The following PTPRD variants were observed in gnomAD, a reference collection of about 807,000 sequenced individuals.
PTPRD encodes the protein receptor-type tyrosine-protein phosphatase delta.
PTPRD carries 34 observed loss-of-function variants against 214.5 expected under a neutral mutation model. The observed-to-expected ratio is 0.16, with a 90% confidence interval of 0.12 to 0.21. PTPRD has a LOEUF of 0.21. Ranked by LOEUF, PTPRD falls within the 10% of genes least tolerant of loss-of-function variation. The pLI is 1.00. For synonymous variants in PTPRD, 1,128 were observed against 845.7 expected (o/e 1.33, Z -5.79); for missense variants, 2,545 against 2,398.7 (o/e 1.06, Z -1.27).
At chr9:10,582,083 C>T (rs2072085131) in intron 2 of PTPRD, among the ~76,000 whole-genome samples, 1 of 152,128 alleles carries the variant, frequency 6.6e-6, no homozygotes, top group African/African-American at 2.4e-5. Context: ...TAGTCAGGTG[C>T]TTCTTGGCAG....
chr9:10,351,658 T>C (rs1339337360), intron 2 of PTPRD, among the ~76,000 whole-genome samples: 1 of 133,896 alleles, frequency 7.5e-6, no homozygotes, highest in Admixed American at 7.6e-5. Context: ...ATATTTTAAT[T>C]CTAACTTTTT....
At chr9:9,870,776 A>T (rs766086780) in intron 5 of PTPRD, among the ~76,000 whole-genome samples, 52 of 152,128 alleles carry the variant, frequency 3.4e-4, no homozygotes, top group Admixed American at 1.4e-3. Flanking sequence ...TTATACACAC[A>T]CTCCAGGGGA....
Position 9,322,526 on chromosome 9 carries a change from T to G in PTPRD, c.-203+74923A>C, listed in dbSNP as rs538582237. 3.9e-5 allele frequency among the ~76,000 whole-genome samples: 6 copies of G among 152,296 alleles called. No individual in the cohort carries two copies. The South Asian group carries it at 1.0e-3, about 26-fold the overall frequency. On this transcript the variant is annotated intron_variant, in intron 9 of 45. Transcript: ENST00000381196. ...CATGCTACTTCTCATATACCTAGGT[T>G]TATGTAATAGACCATTTTGGTATTA...
At chr9:10,133,814 C>G (rs1231014585) in intron 3 of PTPRD, among the ~76,000 whole-genome samples, 2 of 151,954 alleles carry the variant, frequency 1.3e-5, no homozygotes, top group Non-Finnish European at 2.9e-5. Flanking sequence ...AATACATGAT[C>G]TGGAAAGATA....
At chr9:9,919,454 TCA>T (rs2081929656) in intron 5 of PTPRD, among the ~76,000 whole-genome samples, 1 of 152,120 alleles carries the variant, frequency 6.6e-6, no homozygotes, top group Non-Finnish European at 1.5e-5. Context: ...ACCAGTGAAC[TCA>T]GTTTCCCACC....
intron 5 of PTPRD, among the ~76,000 whole-genome samples, chr9:9,843,350 C>T (rs1565697454): frequency 6.6e-6 from 1 of 151,966 alleles, no homozygotes; most frequent in Non-Finnish European, 1.5e-5. Context: ...AAATGTATCA[C>T]ATTTTTTTTT....
At chr9:8,331,123 T>TTTAAC (rs1840268946) in intron 44 of PTPRD, among the ~76,000 whole-genome samples, 1 of 152,098 alleles carries the variant, frequency 6.6e-6, no homozygotes, top group Non-Finnish European at 1.5e-5. Context: ...AATTGCATTT[T>TTTAAC]TTAACTGAGG....
At position 9,144,164 on chromosome 9, in the gene PTPRD, G is replaced by A. The variant is rs530510676; in HGVS notation, c.-143+39140C>T. Among the ~76,000 whole-genome samples, 18 of 152,298 alleles carry A rather than the reference G, an allele frequency of 1.2e-4. No homozygotes were observed. The South Asian group carries it at 3.5e-3, about 30-fold the overall frequency. ...AAATAAAGTGAAGTATTGGGAAAGG[G>A]AACATCTCACTCTGATAGATTTGAA... On this transcript the variant is annotated intron_variant, in intron 10 of 45. Transcript: ENST00000381196.
At chr9:10,366,764 T>C (rs909765595) in intron 2 of PTPRD, among the ~76,000 whole-genome samples, 3 of 152,310 alleles carry the variant, frequency 2.0e-5, no homozygotes, top group African/African-American at 7.2e-5. Context: ...TGCCACGTAC[T>C]TGCTCCATGT....
intron 5 of PTPRD, among the ~76,000 whole-genome samples, chr9:9,815,164 G>T (rs540369495): frequency 3.7e-4 from 57 of 152,198 alleles, no homozygotes; most frequent in African/African-American, 1.1e-3. Context: ...CAGACACATA[G>T]ACTAATGGAT....
At chr9:10,484,920 C>G (rs1390229359) in intron 2 of PTPRD, among the ~76,000 whole-genome samples, 2 of 151,914 alleles carry the variant, frequency 1.3e-5, no homozygotes, top group African/African-American at 4.8e-5. Flanking sequence ...GGATATTTCT[C>G]AAGAAATACT....
At chr9:8,368,037 G>A (rs992971634) in intron 39 of PTPRD, among the ~76,000 whole-genome samples, 1 of 152,286 alleles carries the variant, frequency 6.6e-6, no homozygotes, top group Admixed American at 6.5e-5. Flanking sequence ...CAATTGCAGA[G>A]TTTTCACTAC....
chr9:10,369,890 G>C (rs1461117534), intron 2 of PTPRD, among the ~76,000 whole-genome samples: 2 of 151,900 alleles, frequency 1.3e-5, no homozygotes, highest in Non-Finnish European at 2.9e-5. Flanking sequence ...TAGAAACATA[G>C]TGTCAAAAAA....
At chr9:10,063,765 C>A (rs2097824206) in intron 3 of PTPRD, among the ~76,000 whole-genome samples, 1 of 151,924 alleles carries the variant, frequency 6.6e-6, no homozygotes, top group Non-Finnish European at 1.5e-5. Context: ...TGCAATGTAG[C>A]AATACCAGCT....
chr9:9,294,163 A>T (rs1381560782), intron 9 of PTPRD, among the ~76,000 whole-genome samples: 2 of 151,646 alleles, frequency 1.3e-5, no homozygotes, highest in Admixed American at 6.6e-5. Context: ...AAATTTCATC[A>T]CACTACTAAG....
intron 8 of PTPRD, among the ~76,000 whole-genome samples, chr9:9,398,164 C>G (rs912215728): frequency 6.8e-6 from 1 of 147,720 alleles, no homozygotes; most frequent in Admixed American, 6.8e-5. Context: ...TTCATTTGCT[C>G]TGCCTCAATA....
At chr9:9,749,611 C>A (rs1230338810) in intron 6 of PTPRD, among the ~76,000 whole-genome samples, 1 of 152,114 alleles carries the variant, frequency 6.6e-6, no homozygotes, top group South Asian at 2.1e-4. Flanking sequence ...AGACAATCCA[C>A]AGAATGTACA....
chr9:9,419,259 A>C (rs944853261), intron 8 of PTPRD, among the ~76,000 whole-genome samples: 11 of 55,282 alleles, frequency 2.0e-4, no homozygotes, highest in African/African-American at 6.9e-4. Context: ...GTCTCATTGT[A>C]AGAAAGAATA....
At chr9:8,428,204 G>T (rs1334539923) in intron 35 of PTPRD, among the ~76,000 whole-genome samples, 1 of 152,088 alleles carries the variant, frequency 6.6e-6, no homozygotes, top group Non-Finnish European at 1.5e-5. Flanking sequence ...GCCCGGAGTG[G>T]CAGGCAGAGA....
Sources: gnomAD v4.1 joint callset for allele counts (sites outside exome capture counted in the v4.1 genomes callset) on GRCh38, gnomAD v4.1.1 for gene constraint, MANE v1.5 for transcripts, NCBI Gene and HGNC (gene_info 2026-07-23, HGNC 2026-07-21) for gene names.